The following GFPT2 variants were observed in gnomAD, a reference collection of about 807,000 sequenced individuals.
GFPT2 encodes glutamine--fructose-6-phosphate transaminase 2, also known as glutamine--fructose-6-phosphate aminotransferase [isomerizing] 2.
In GFPT2, 62 loss-of-function variants were observed where a neutral mutation model predicts 85.6. The ratio of observed to expected loss-of-function variants is 0.72; its 90% CI spans 0.59 to 0.90. The LOEUF (loss-of-function observed/expected upper bound fraction) is 0.90, where lower values mean the gene tolerates loss of function less well. GFPT2 is among the 40% of genes least tolerant of loss of function. The probability of loss-of-function intolerance (pLI) is 0.00; values close to 1 mark genes in which losing one functional copy is unlikely to be tolerated. For synonymous variants in GFPT2, 368 were observed against 344.5 expected (o/e 1.07, Z -0.75); for missense variants, 788 against 893.4 (o/e 0.88, Z 1.50).
At chr5:180,329,762 C>T (rs1246626596) in intron 6 of GFPT2, among the ~76,000 whole-genome samples, 6 of 152,346 alleles carry the variant, frequency 3.9e-5, no homozygotes, top group Admixed American at 3.3e-4. Context: ...CCTGGGGGAG[C>T]TACTGGGTGG....
chr5:180,303,898 G>A (rs972678553), intron 17 of GFPT2, among the ~76,000 whole-genome samples: 12 of 152,148 alleles, frequency 7.9e-5, no homozygotes, highest in African/African-American at 1.7e-4. Context: ...CCAGGATGGC[G>A]TCTGGCCCTG....
rs1190667284 is a variant in GFPT2 at position 180,331,477 on chromosome 5, CT to C, written c.399+17del. On this transcript the variant is annotated intron_variant, in intron 5 of 18. Coordinates refer to ENST00000253778, the MANE Select transcript of GFPT2 (RefSeq NM_005110.4). The stretch of plus-strand genomic sequence containing the variant: ...CAATCCCACCGGACTGAGACATCAC[CT>C]AGGGGAAGCATCTTACCAGAAATTT... 1 of 1,476,440 alleles carries C rather than the reference CT, an allele frequency of 6.8e-7. No homozygotes were observed. The highest frequency in any genetic ancestry group is 1.4e-5 in the African/African-American group (1 of 72,330). The allele number at this position is 1,476,440 out of a possible 1,614,324, so 91.5% of individuals were successfully genotyped here. A position where few individuals can be genotyped will look rare whatever the true frequency, so the allele number is the denominator to read the frequency against.
At chr5:180,317,979 C>T (rs1764046068) in intron 10 of GFPT2, among the ~76,000 whole-genome samples, 1 of 152,008 alleles carries the variant, frequency 6.6e-6, no homozygotes, top group Admixed American at 6.5e-5. Context: ...CTCCCATGAC[C>T]TGGCACTTGT....
intron 1 of GFPT2, among the ~76,000 whole-genome samples, chr5:180,346,900 C>T (rs1270241182): frequency 2.6e-5 from 4 of 152,212 alleles, no homozygotes; most frequent in Admixed American, 1.3e-4. Flanking sequence ...GAGCTGAGAA[C>T]GGGGCAGTAA....
intron 1 of GFPT2, chr5:180,352,976 G>C: frequency 2.5e-6 from 1 of 395,342 alleles, no homozygotes; most frequent in South Asian, 9.3e-5. Flanking sequence ...CTGTGTCCGA[G>C]ACCAGGAGTC....
chr5:180,341,827 T>C (rs1209652599), intron 1 of GFPT2, among the ~76,000 whole-genome samples: 1 of 152,226 alleles, frequency 6.6e-6, no homozygotes, highest in Non-Finnish European at 1.5e-5. Context: ...CTGCTGAGTA[T>C]TTATGGTTCC....
chr5:180,314,059 C>A, intron 13 of GFPT2, 95 bp from the exon 14 acceptor site: 1 of 1,290,014 alleles, frequency 7.8e-7, no homozygotes, highest in Non-Finnish European at 1.0e-6. Context: ...ACAGGGAAAT[C>A]GGCGCCCGAG....
In GFPT2 at chr5:180,335,866, G is replaced by A; in HGVS notation, c.302C>T (p.Ala101Val). 1 of 1,592,326 alleles carries A rather than the reference G, an allele frequency of 6.3e-7. No individual in the cohort carries two copies. The highest frequency in any genetic ancestry group is 8.5e-7 in the Non-Finnish European group (1 of 1,173,430). ...TGAGCGCTGAGGGTGGCTGTTGACAGCACTGGGGACCCCGTGGGTGGCCCA... is the reference window on the plus strand; with the variant it reads ...TGAGCGCTGAGGGTGGCTGTTGACAACACTGGGGACCCCGTGGGTGGCCCA... ...TRWATHGVPS[A>V]VNSHPQRSDK... is the part of the protein sequence containing the mutation. The change falls in exon 4 of 19, where the codon GCT becomes GTT. Residue 101 changes from alanine to valine, a missense_variant. Ala to Val is a moderately conservative substitution (Grantham distance 64, BLOSUM62 0). Transcript: ENST00000253778.
rs535925362 is a variant in GFPT2, at chr5:180,347,702, T to A, written c.7+5509A>T. Among the ~76,000 whole-genome samples, 9 of 152,184 alleles carry A rather than the reference T, an allele frequency of 5.9e-5. No individual in the cohort carries two copies. In the East Asian group the frequency reaches 1.7e-3, roughly 30 times the overall value. On this transcript the variant is annotated intron_variant, in intron 1 of 18. Transcript: ENST00000253778. ...CAGGGTTCAACCCCCAAGTGACAGA[T>A]AACGACAATGGCCAGCGCAGGGAGA...
chr5:180,329,120 C>T (rs544433872), intron 6 of GFPT2, among the ~76,000 whole-genome samples: 1 of 152,320 alleles, frequency 6.6e-6, no homozygotes, highest in South Asian at 2.1e-4. Flanking sequence ...GCAACCCTAG[C>T]AGAGCTCAGT....
At position 180,300,840 on chromosome 5, in the gene GFPT2, G is replaced by A. The variant is rs1763660904; in HGVS notation, c.*724C>T. The A allele has an allele frequency of 6.6e-6, 1 of 152,660 alleles. No individual in the cohort carries two copies. Among genetic ancestry groups the A allele is most frequent in the Non-Finnish European group, 1.5e-5 (1 of 68,064 alleles). 9.5% of individuals were successfully genotyped at this position (152,660 alleles called of 1,614,324 possible). On this transcript the variant is annotated 3_prime_UTR_variant, in exon 19 of 19. Transcript: ENST00000253778. ...TGTTTTACTATGGGCAAGGAGCAGGGACCAAAATGCTGCCAGGGCTTAAAA... is the reference window on the plus strand; with the variant it reads ...TGTTTTACTATGGGCAAGGAGCAGGAACCAAAATGCTGCCAGGGCTTAAAA...
intron 16 of GFPT2, among the ~76,000 whole-genome samples, chr5:180,305,677 A>T (rs1281561383): frequency 6.6e-6 from 1 of 152,174 alleles, no homozygotes; most frequent in Non-Finnish European, 1.5e-5. Context: ...CAGCAGACTC[A>T]TGCGGAGGCA....
intron 15 of GFPT2, among the ~76,000 whole-genome samples, chr5:180,307,982 T>C (rs938624909): frequency 2.0e-5 from 3 of 148,812 alleles, no homozygotes; most frequent in African/African-American, 7.5e-5. Context: ...CGTGGTTGGG[T>C]GCGGTGGCTC....
rs1763911647 is a variant in GFPT2, at chr5:180,312,446, G to A, written c.1530C>T (p.Gly510=). ...LQNRRQEIIR[G]LRSLPELIKE... is the part of the protein sequence containing the mutation. ...AGAACATACCAGGTAAAGATCTCAA[G>A]CCACGGATGATCTCTTGCCTCCTGT... is the stretch of plus-strand genomic sequence containing the variant. The change falls in exon 15 of 19, where the codon GGC becomes GGT. Residue 510 remains glycine (G), a synonymous_variant. Coordinates refer to ENST00000253778, the MANE Select transcript of GFPT2 (RefSeq NM_005110.4). The A allele has an allele frequency of 6.3e-7, 1 of 1,586,650 alleles. No homozygotes were observed. Among genetic ancestry groups the A allele is most frequent in the East Asian group, 2.2e-5 (1 of 44,776 alleles).
intron 1 of GFPT2, among the ~76,000 whole-genome samples, chr5:180,340,816 G>A (rs552292975): frequency 1.2e-4 from 18 of 152,166 alleles, no homozygotes; most frequent in East Asian, 1.2e-3. Context: ...GCCTGGCTCC[G>A]CAGTTTTTAA....
chr5:180,318,857 C>G lies in GFPT2; in HGVS notation c.894G>C (p.Ser298=), dbSNP rs755340739. The stretch of plus-strand genomic sequence containing the variant: ...TGGCTCGAGATGGGTCATCACTGGC[C>G]GAGCGCTTGACCCGGTGAATGGAGA... ...GKLSIHRVKR[S]ASDDPSRAIQ... is the part of the protein sequence containing the mutation. Residue 298 remains serine (S), a synonymous_variant, in exon 10 of 19, where the codon TCG becomes TCC. Transcript: ENST00000253778. This position sits in a 1 kb window ranked among gnomAD's most constrained non-coding sequence, Gnocchi z 4.2. 1 of 1,614,004 alleles carries G rather than the reference C, an allele frequency of 6.2e-7. No individual in the cohort carries two copies.
At position 180,302,600 on chromosome 5, in the gene GFPT2, A is replaced by G; in HGVS notation, c.1843-16T>C. The G allele has an allele frequency of 6.2e-7, 1 of 1,600,892 alleles. No individual in the cohort carries two copies. The highest frequency in any genetic ancestry group is 8.5e-7 in the Non-Finnish European group (1 of 1,169,772). On this transcript the variant is annotated splice_polypyrimidine_tract_variant and intron_variant, in intron 17 of 18. Transcript: ENST00000253778. ...TGGGGCGACCCTAGAGCAGAGAAAT[A>G]GCATCATAAAATAGACCCTCTCTGA...
chr5:180,317,856 G>C (rs948296242), intron 10 of GFPT2, among the ~76,000 whole-genome samples: 45 of 152,114 alleles, frequency 3.0e-4, no homozygotes, highest in Admixed American at 2.7e-3. Flanking sequence ...TGGGGCTGCA[G>C]GGTGTTCAAG....
intron 16 of GFPT2, among the ~76,000 whole-genome samples, chr5:180,306,449 C>T (rs1402374164): frequency 2.0e-5 from 3 of 152,214 alleles, no homozygotes; most frequent in East Asian, 1.9e-4. Flanking sequence ...ATGCTGACAG[C>T]GAGGAAAGGG....
Sources: gnomAD v4.1 joint callset for allele counts (sites outside exome capture counted in the v4.1 genomes callset) on GRCh38, gnomAD v4.1.1 for gene constraint, Gnocchi (gnomAD v3.1) non-coding constraint, MANE v1.5 for transcripts, NCBI Gene and HGNC (gene_info 2026-07-23, HGNC 2026-07-21) for gene names.